The following ZNF366 variants were observed in gnomAD, a reference collection of about 807,000 sequenced individuals.
ZNF366 encodes the protein zinc finger protein 366, also known as dendritic cell-specific transcript protein.
A neutral mutation model predicts 47.2 loss-of-function variants in ZNF366; 20 were observed. That is an observed-to-expected ratio of 0.42 (90% CI 0.30 to 0.62). ZNF366 has a LOEUF of 0.62. Among genes scored for constraint, ZNF366 ranks in the 20% least tolerant of loss-of-function variants. ZNF366 has a pLI of 0.16. For missense variants in ZNF366, 987 were observed against 976.3 expected (o/e 1.01, Z -0.15); for synonymous variants, 421 against 395.1 (o/e 1.07, Z -0.78).
intron 1 of ZNF366, among the ~76,000 whole-genome samples, chr5:72,500,585 A>C (rs550659612): frequency 6.6e-6 from 1 of 152,298 alleles, no homozygotes; most frequent in African/African-American, 2.4e-5. Flanking sequence ...TGTTGCTCAG[A>C]GCTGAATAGA....
intron 1 of ZNF366, among the ~76,000 whole-genome samples, chr5:72,469,712 G>A (rs2112298): frequency 0.21 from 31,349 of 152,108 alleles, 3,398 homozygotes; most frequent in East Asian, 0.4. Context: ...CATGTTCAGT[G>A]AACAATCTTC....
intron 3 of ZNF366, among the ~76,000 whole-genome samples, chr5:72,448,619 T>C (rs1561189290): frequency 6.6e-6 from 1 of 152,180 alleles, no homozygotes; most frequent in African/African-American, 2.4e-5. Flanking sequence ...CTGCACTATG[T>C]AGTGAGAGAG....
intron 1 of ZNF366, among the ~76,000 whole-genome samples, chr5:72,504,940 C>T (rs1051143036): frequency 1.3e-5 from 2 of 152,204 alleles, no homozygotes; most frequent in South Asian, 4.1e-4. Context: ...CAGTAGGCAA[C>T]GAAGCTGAAA....
At chr5:72,467,207 C>G (rs1265618660) in intron 1 of ZNF366, among the ~76,000 whole-genome samples, 1 of 152,182 alleles carries the variant, frequency 6.6e-6, no homozygotes, top group Non-Finnish European at 1.5e-5. Context: ...CAATGCATCA[C>G]CCAAACCCAA....
intron 1 of ZNF366, among the ~76,000 whole-genome samples, chr5:72,464,815 A>G (rs62360606): frequency 0.2 from 31,013 of 152,096 alleles, 3,445 homozygotes; most frequent in Non-Finnish European, 0.26. Flanking sequence ...AATCCCAGCA[A>G]TTTGGGAGGC....
In ZNF366 at chr5:72,460,151, A is replaced by T. The variant is rs763913711; in HGVS notation, c.1332+14T>A. The T allele has an allele frequency of 1.2e-6, 2 of 1,610,904 alleles. No homozygotes were observed. The highest frequency in any genetic ancestry group is 1.7e-6 in the Non-Finnish European group (2 of 1,178,034). On this transcript the variant is annotated intron_variant, in intron 2 of 4. Transcript: ENST00000318442. ...CCCAAGGCCCCGTCCGCCCCACCAG[A>T]GGCCCCGCAGTACCTTGTGGGTGAG...
intron 3 of ZNF366, among the ~76,000 whole-genome samples, chr5:72,448,842 T>C (rs1480108053): frequency 6.6e-6 from 1 of 152,234 alleles, no homozygotes; most frequent in Admixed American, 6.5e-5. Flanking sequence ...GAGTTTAGCG[T>C]AGAAGAATGC....
At chr5:72,448,552 G>A (rs1261230518) in intron 3 of ZNF366, among the ~76,000 whole-genome samples, 1 of 152,160 alleles carries the variant, frequency 6.6e-6, no homozygotes, top group Non-Finnish European at 1.5e-5. Flanking sequence ...GGACAAGAAT[G>A]TTAAGGGAGG....
intron 1 of ZNF366, among the ~76,000 whole-genome samples, chr5:72,489,180 AG>A (rs1743955554): frequency 6.6e-6 from 1 of 152,128 alleles, no homozygotes; most frequent in Non-Finnish European, 1.5e-5. Flanking sequence ...GCTCAAGACC[AG>A]CCTAAGCAAC....
chr5:72,458,267 C>T (rs10942311), intron 2 of ZNF366, among the ~76,000 whole-genome samples: 35,976 of 151,954 alleles, frequency 0.24, 4,480 homozygotes, highest in East Asian at 0.43. Context: ...CCGCCCGTCT[C>T]GGCCTCCCAA....
chr5:72,466,737 CT>C (rs1309166031), intron 1 of ZNF366, among the ~76,000 whole-genome samples: 1 of 152,224 alleles, frequency 6.6e-6, no homozygotes, highest in African/African-American at 2.4e-5. Context: ...CTGTGGATGA[CT>C]TTCGATATTT....
chr5:72,461,206 G>A lies in ZNF366; in HGVS notation c.291C>T (p.Leu97=). 1.2e-6 allele frequency: 2 copies of A among 1,614,156 alleles called. No homozygotes were observed. ...PYNHPAEEVT[L]ALHSEENKNH... ...TTTTGTTCTCCTCTGAGTGGAGGGC[G>A]AGGGTGACTTCTTCTGCAGGGTGGT... The change falls in exon 2 of 5, where the codon CTC becomes CTT. Residue 97 remains leucine, a synonymous_variant. Coordinates refer to ENST00000318442, the MANE Select transcript of ZNF366 (RefSeq NM_152625.3).
At chr5:72,479,629 A>T (rs1022551870) in intron 1 of ZNF366, among the ~76,000 whole-genome samples, 1 of 152,234 alleles carries the variant, frequency 6.6e-6, no homozygotes, top group Non-Finnish European at 1.5e-5. Context: ...ATGTAGAAGA[A>T]CAATACTAAT....
At chr5:72,459,573 T>A (rs888291379) in intron 2 of ZNF366, among the ~76,000 whole-genome samples, 2 of 152,140 alleles carry the variant, frequency 1.3e-5, no homozygotes, top group Non-Finnish European at 2.9e-5. Context: ...TCCTACAATG[T>A]AAACCACAGG....
chr5:72,444,605 C>T (rs74501250), intron 4 of ZNF366, among the ~76,000 whole-genome samples: 1 of 138,656 alleles, frequency 7.2e-6, no homozygotes, highest in Non-Finnish European at 1.6e-5. Context: ...ATGCATATCA[C>T]CATATTTTTT....
intron 2 of ZNF366, among the ~76,000 whole-genome samples, chr5:72,457,619 G>T (rs897455706): frequency 6.6e-6 from 1 of 152,138 alleles, no homozygotes; most frequent in Non-Finnish European, 1.5e-5. Context: ...TTTGAGGCAT[G>T]GTAAGAAAGA....
chr5:72,487,755 C>CT (rs1339315660), intron 1 of ZNF366, among the ~76,000 whole-genome samples: 1 of 152,206 alleles, frequency 6.6e-6, no homozygotes, highest in Non-Finnish European at 1.5e-5. Context: ...GTTAGTGTAT[C>CT]TTTTGGCCTA....
chr5:72,459,882 C>T (rs900540358), intron 2 of ZNF366, among the ~76,000 whole-genome samples: 2 of 152,208 alleles, frequency 1.3e-5, no homozygotes, highest in African/African-American at 4.8e-5. Context: ...GGCTAGGGAG[C>T]ATCCTTCCTC....
At chr5:72,504,602 A>G (rs1261091482) in intron 1 of ZNF366, among the ~76,000 whole-genome samples, 3 of 152,188 alleles carry the variant, frequency 2.0e-5, no homozygotes, top group African/African-American at 7.2e-5. Context: ...ATCTTCACTC[A>G]GTGTGTGCCC....
Sources: gnomAD v4.1 joint callset for allele counts (sites outside exome capture counted in the v4.1 genomes callset) on GRCh38, gnomAD v4.1.1 for gene constraint, MANE v1.5 for transcripts, NCBI Gene and HGNC (gene_info 2026-07-23, HGNC 2026-07-21) for gene names.